CNTN4: variants seen among roughly 807,000 people sequenced by gnomAD.
The protein encoded by CNTN4 is contactin-4.
A neutral mutation model predicts 122.5 loss-of-function variants in CNTN4; 77 were observed. The ratio of observed to expected loss-of-function variants is 0.63; its 90% CI spans 0.52 to 0.76. CNTN4 has a LOEUF of 0.76. CNTN4 is among the 30% of genes least tolerant of loss of function. CNTN4 has a pLI of 0.00. For missense variants in CNTN4, 1,256 were observed against 1,259.1 expected, an observed-to-expected ratio of 1.00 and a Z score of 0.04; for synonymous variants, 512 against 447.0, an observed-to-expected ratio of 1.15 and a Z score of -1.83.
chr3:2,367,405 A>T (rs539630450), intron 3 of CNTN4, among the ~76,000 whole-genome samples: 1 of 152,380 alleles, frequency 6.6e-6, no homozygotes, highest in South Asian at 2.1e-4. Flanking sequence ...AACGAAAAAC[A>T]CAAACCACCC....
At chr3:2,420,965 A>G (rs554273720) in intron 3 of CNTN4, among the ~76,000 whole-genome samples, 4 of 152,290 alleles carry the variant, frequency 2.6e-5, no homozygotes, top group Admixed American at 1.3e-4. Context: ...AGGACCCAGC[A>G]GTTGCATTTT....
chr3:2,233,437 T>A (rs987259487), intron 2 of CNTN4, among the ~76,000 whole-genome samples: 1 of 152,194 alleles, frequency 6.6e-6, no homozygotes, highest in African/African-American at 2.4e-5. Context: ...ATATTCTGCA[T>A]TCTCCGTTAG....
chr3:2,927,520 G>C lies in CNTN4; in HGVS notation c.1358+1741G>C, dbSNP rs931406192. ...GCAGGGAAATATAATCTTGCTATGT[G>C]CCTGGAAGAAAAGAGACAACCTAAT... is the stretch of plus-strand genomic sequence containing the variant. On this transcript the variant is annotated intron_variant, in intron 13 of 24. Transcript: ENST00000418658. The C allele has an allele frequency of 2.8e-5, 8 of 284,910 alleles. No homozygotes were observed. In the Admixed American group the frequency reaches 3.5e-4, roughly 12 times the overall value. The allele number at this position is 284,910 out of a possible 1,614,324, so 17.6% of individuals were successfully genotyped here. A position where few individuals can be genotyped will look rare whatever the true frequency, so the allele number is the denominator to read the frequency against.
chr3:2,930,283 A>G (rs1378874530), intron 13 of CNTN4, among the ~76,000 whole-genome samples: 1 of 152,170 alleles, frequency 6.6e-6, no homozygotes, highest in Admixed American at 6.5e-5. Context: ...ATTTATCTCC[A>G]CAGAAAAGGA....
At chr3:2,715,470 C>T (rs777782004) in intron 4 of CNTN4, among the ~76,000 whole-genome samples, 1 of 152,068 alleles carries the variant, frequency 6.6e-6, no homozygotes, top group Non-Finnish European at 1.5e-5. Flanking sequence ...TTGTCTTAAC[C>T]CTTTATGTAA....
intron 19 of CNTN4, 116 bp downstream of exon 19, chr3:3,039,119 T>G: frequency 1.1e-6 from 1 of 943,846 alleles, no homozygotes; most frequent in Non-Finnish European, 1.7e-6. Flanking sequence ...TGAAAATTCA[T>G]TTGGGTTCAG....
intron 2 of CNTN4, among the ~76,000 whole-genome samples, chr3:2,214,444 T>A (rs934917971): frequency 1.3e-4 from 20 of 152,196 alleles, no homozygotes; most frequent in African/African-American, 4.6e-4. Context: ...TTTATAAATG[T>A]CTGTCATTTT....
chr3:3,012,955 C>A (rs920471296), intron 14 of CNTN4, among the ~76,000 whole-genome samples: 1 of 151,648 alleles, frequency 6.6e-6, no homozygotes, highest in South Asian at 2.1e-4. Flanking sequence ...GCAACAAGAG[C>A]GAAATTCCAT....
chr3:2,392,663 G>A (rs945291031), intron 3 of CNTN4, among the ~76,000 whole-genome samples: 1 of 152,074 alleles, frequency 6.6e-6, no homozygotes, highest in African/African-American at 2.4e-5. Flanking sequence ...TCCTCTTTTA[G>A]CTATCTTGAA....
intron 6 of CNTN4, among the ~76,000 whole-genome samples, chr3:2,792,107 C>T (rs2092031195): frequency 6.6e-6 from 1 of 152,160 alleles, no homozygotes; most frequent in South Asian, 2.1e-4. Context: ...AAACTCTTAA[C>T]CTTATTTATA....
rs149370299 is a variant in CNTN4 at position 2,190,915 on chromosome 3, T to C, written c.-145+90276T>C. The stretch of plus-strand genomic sequence containing the variant: ...TACAATTTTCTATACAGTTCACATA[T>C]ATTCAGATATTAGCTGGGCTGGTCT... On this transcript the variant is annotated intron_variant, in intron 2 of 24. Transcript: ENST00000418658. Among the ~76,000 whole-genome samples the C allele has an allele frequency of 5.5e-4, 84 of 152,004 alleles. 1 individual carries two copies. The East Asian group carries it at 0.013, about 24-fold the overall frequency.
intron 2 of CNTN4, among the ~76,000 whole-genome samples, chr3:2,302,008 G>T (rs931927023): frequency 6.6e-6 from 1 of 152,148 alleles, no homozygotes; most frequent in Admixed American, 6.5e-5. Flanking sequence ...GCATGTGCAC[G>T]TGTGTGTGTG....
At chr3:2,443,448 T>C (rs2048510005) in intron 3 of CNTN4, among the ~76,000 whole-genome samples, 1 of 152,170 alleles carries the variant, frequency 6.6e-6, no homozygotes, top group Non-Finnish European at 1.5e-5. Context: ...TCAGTGCCTT[T>C]CTCTCCCTTT....
In CNTN4 at chr3:2,778,152, T is replaced by G. The variant is rs1438201180; in HGVS notation, c.358+32455T>G. Among the ~76,000 whole-genome samples, 5 of 138,624 alleles carry G rather than the reference T, an allele frequency of 3.6e-5. 1 individual carries two copies. The highest frequency in any genetic ancestry group is 1.4e-4 in the African/African-American group (5 of 35,992). The allele number at this position is 138,624 out of a possible 152,430, so 90.9% of individuals were successfully genotyped here. On this transcript the variant is annotated intron_variant, in intron 6 of 24. Transcript: ENST00000418658. ...TGGCGGGAACCCAGGAAGCGGAGCTTGTGGTGAGCCGAGATCGCGCCACTG... is the reference window on the plus strand; with the variant it reads ...TGGCGGGAACCCAGGAAGCGGAGCTGGTGGTGAGCCGAGATCGCGCCACTG...
chr3:2,267,203 A>G (rs2041089173), intron 2 of CNTN4, among the ~76,000 whole-genome samples: 1 of 152,054 alleles, frequency 6.6e-6, no homozygotes, highest in African/African-American at 2.4e-5. Flanking sequence ...TGAAAGAACT[A>G]TTTCCTAAGA....
intron 13 of CNTN4, among the ~76,000 whole-genome samples, chr3:2,987,984 T>C (rs1694732421): frequency 1.3e-5 from 2 of 152,246 alleles, no homozygotes; most frequent in African/African-American, 4.8e-5. Context: ...TTTTTTCGTA[T>C]TCCTTATTAG....
intron 3 of CNTN4, among the ~76,000 whole-genome samples, chr3:2,561,948 G>C (rs1366596516): frequency 6.6e-6 from 1 of 152,182 alleles, no homozygotes; most frequent in African/African-American, 2.4e-5. Context: ...CTTTCCATAG[G>C]AGTGGGACAG....
intron 4 of CNTN4, among the ~76,000 whole-genome samples, chr3:2,622,401 C>T (rs79164660): frequency 6.6e-6 from 1 of 152,174 alleles, no homozygotes; most frequent in Non-Finnish European, 1.5e-5. Flanking sequence ...CAGTGATTCT[C>T]GTGCCTCAAC....
rs188118193 is a variant in CNTN4, at chr3:2,376,525, G to A, written c.-89+37292G>A. Among the ~76,000 whole-genome samples, 40 of 152,094 alleles carry A rather than the reference G, an allele frequency of 2.6e-4. No individual in the cohort carries two copies. The East Asian group carries it at 7.6e-3, about 29-fold the overall frequency. ...AAGTATCAGTATTTCTATATCACTA[G>A]GTGATTCTTGAGATGAAGATAAGTG... On this transcript the variant is annotated intron_variant, in intron 3 of 24. Transcript: ENST00000418658.
Sources: allele counts gnomAD v4.1 joint callset (sites outside exome capture counted in the v4.1 genomes callset), GRCh38; gene constraint gnomAD v4.1.1; transcripts MANE v1.5; gene names NCBI Gene and HGNC (gene_info 2026-07-23, HGNC 2026-07-21).